EMB: variants seen among roughly 807,000 people sequenced by gnomAD.
EMB encodes the protein embigin homolog.
In EMB, 31 loss-of-function variants were observed where a neutral mutation model predicts 41.4. The ratio of observed to expected loss-of-function variants is 0.75; its 90% confidence interval spans 0.56 to 1.01. The LOEUF is 1.01. EMB is among the 50% of genes least tolerant of loss of function. The pLI is 0.00. For missense variants in EMB, 379 were observed against 388.3 expected (o/e 0.98, Z 0.20); for synonymous variants, 137 against 140.4 (o/e 0.98, Z 0.17).
chr5:50,423,609 C>T (rs766529609), intron 2 of EMB, among the ~76,000 whole-genome samples: 3 of 152,082 alleles, frequency 2.0e-5, no homozygotes, highest in Non-Finnish European at 2.9e-5. Context: ...CATGTAACAG[C>T]AGGGATTATG....
At position 50,428,293 on chromosome 5, in the gene EMB, T is replaced by G; in HGVS notation, c.113-66A>C. ...AGTAAATGACTATCTAAAAACTACT[T>G]TGAAACAGCTAAAACACTGTTGTGA... is the stretch of plus-strand genomic sequence containing the variant. On this transcript the variant is annotated intron_variant, in intron 1 of 8. Coordinates refer to ENST00000303221, the MANE Select transcript of EMB (RefSeq NM_198449.3). 7.9e-6 allele frequency: 11 copies of G among 1,387,388 alleles called. No individual in the cohort carries two copies. The South Asian group carries it at 1.1e-4, about 14-fold the overall frequency. The allele number at this position is 1,387,388 out of a possible 1,614,324, so 85.9% of individuals were successfully genotyped here.
chr5:50,402,414 A>G, intron 6 of EMB, 95 bp from the exon 7 acceptor site: 1 of 1,146,768 alleles, frequency 8.7e-7, no homozygotes, highest in Non-Finnish European at 1.3e-6. Context: ...GTAAGTAAGT[A>G]CTATGCTGTT....
rs72751717 is a variant in EMB at position 50,414,491 on chromosome 5, C to T, written c.197-3108G>A. ...AGTGAGCTAAGGTGGCACTACTGCA[C>T]GCCAGGCAAGGTGATAAAGCAGGGC... On this transcript the variant is annotated intron_variant, in intron 2 of 8. Coordinates refer to ENST00000303221, the MANE Select transcript of EMB (RefSeq NM_198449.3). 2.8e-3 allele frequency among the ~76,000 whole-genome samples: 383 copies of T among 136,950 alleles called. 3 individuals carry two copies. In the East Asian group the frequency reaches 0.037, roughly 13 times the overall value. 89.8% of individuals were successfully genotyped at this position (136,950 alleles called of 152,430 possible).
chr5:50,405,774 T>G lies in EMB; in HGVS notation c.551A>C (p.Asn184Thr). ...CCAGGTCCAATTTAAAGGAAAACAA[T>G]TTTGACATTTACATGTCAAGACAGT... ...DSTVLTCKCQNCFPLNWTWYS... is the reference protein window; with the variant it reads ...DSTVLTCKCQTCFPLNWTWYS... The change falls in exon 5 of 9, where the codon AAT becomes ACT. Residue 184 changes from asparagine to threonine, a missense_variant. Physicochemically the swap from Asn to Thr is moderately conservative, Grantham distance 65. Transcript: ENST00000303221. 6.2e-7 allele frequency: 1 copy of G among 1,607,142 alleles called. No homozygotes were observed. The highest frequency in any genetic ancestry group is 8.5e-7 in the Non-Finnish European group (1 of 1,176,704).
chr5:50,424,611 G>T (rs889726387), intron 2 of EMB, among the ~76,000 whole-genome samples: 1 of 152,164 alleles, frequency 6.6e-6, no homozygotes, highest in Non-Finnish European at 1.5e-5. Context: ...AAGATAAGGG[G>T]ATGGGAAACA....
intron 8 of EMB, among the ~76,000 whole-genome samples, chr5:50,399,658 A>G (rs923267799): frequency 7.9e-5 from 12 of 151,996 alleles, no homozygotes; most frequent in Non-Finnish European, 1.5e-4. Context: ...ATTAGTTGCT[A>G]TGTGCCCTCT....
upstream of EMB, chr5:50,441,514 T>C (rs1745916038): frequency 5.5e-6 from 1 of 180,892 alleles, no homozygotes; most frequent in African/African-American, 2.4e-5. Context: ...TGGGGAGAGG[T>C]CGAAACTCTG....
In EMB at chr5:50,428,284, A is replaced by G. The variant is rs1745655289; in HGVS notation, c.113-57T>C. 1.5e-5 allele frequency: 21 copies of G among 1,429,372 alleles called. 1 individual carries two copies. The highest frequency in any genetic ancestry group is 1.2e-4 in the Admixed American group (6 of 50,908). The allele number at this position is 1,429,372 out of a possible 1,614,324, so 88.5% of individuals were successfully genotyped here. On this transcript the variant is annotated intron_variant, in intron 1 of 8. Transcript: ENST00000303221. Reference sequence around the variant, plus strand: ...CTTATCAAGAGTAAATGACTATCTAAAAACTACTTTGAAACAGCTAAAACA... The same window carrying G: ...CTTATCAAGAGTAAATGACTATCTAGAAACTACTTTGAAACAGCTAAAACA...
chr5:50,418,098 G>A (rs1425633769), intron 2 of EMB, among the ~76,000 whole-genome samples: 1 of 152,156 alleles, frequency 6.6e-6, no homozygotes, highest in African/African-American at 2.4e-5. Flanking sequence ...CAACAATGCA[G>A]TATTTAATTT....
At chr5:50,403,098 C>T in intron 6 of EMB, 80 bp downstream of exon 6, 1 of 1,274,306 alleles carries the variant, frequency 7.8e-7, no homozygotes, top group Non-Finnish European at 1.1e-6. Flanking sequence ...AATCATAATC[C>T]ATATCATAAG....
At position 50,410,904 on chromosome 5, in the gene EMB, C is replaced by G. The variant is rs1289861171; in HGVS notation, c.445G>C (p.Glu149Gln). 4 of 1,604,464 alleles carry G rather than the reference C, an allele frequency of 2.5e-6. No homozygotes were observed. Among genetic ancestry groups the G allele is most frequent in the South Asian group, 1.1e-5 (1 of 89,112 alleles). The change falls in exon 4 of 9, where the codon GAA becomes CAA. Residue 149 changes from glutamate to glutamine, a missense_variant. Glu to Gln is a conservative substitution (Grantham distance 29, BLOSUM62 2). Coordinates refer to ENST00000303221, the MANE Select transcript of EMB (RefSeq NM_198449.3). ...TTGAAATTAAATGTTCCCCTTTGTT[C>G]CTTTTCCTCTCGAAAGAAACAAGAA... ...SYSCFFREEKEQRGTFNFKVP... is the reference protein window; with the variant it reads ...SYSCFFREEKQQRGTFNFKVP...
At chr5:50,408,461 G>A (rs553296371) in intron 4 of EMB, among the ~76,000 whole-genome samples, 26 of 152,000 alleles carry the variant, frequency 1.7e-4, no homozygotes, top group African/African-American at 6.0e-4. Context: ...AGGTTTTTGT[G>A]CATTGAACTA....
At chr5:50,428,119 A>ATTTTTT in intron 2 of EMB, 25 bp downstream of exon 2, 1 of 1,522,348 alleles carries the variant, frequency 6.6e-7, no homozygotes, top group Admixed American at 1.9e-5. Context: ...TTCGAATTGC[A>ATTTTTT]TTATTTGAAA....
rs549177355 is a variant in EMB at position 50,404,706 on chromosome 5, T to A, written c.600+1019A>T. ...TTTGTTTTTACAAAATTACACTTTT[T>A]AAAAAAAAATTACATATACACAATG... On this transcript the variant is annotated intron_variant, in intron 5 of 8. Transcript: ENST00000303221. Among the ~76,000 whole-genome samples, 30 of 151,728 alleles carry A rather than the reference T, an allele frequency of 2.0e-4. 1 individual carries two copies. The highest frequency in any genetic ancestry group is 1.2e-3 in the South Asian group (6 of 4,818).
intron 1 of EMB, among the ~76,000 whole-genome samples, chr5:50,433,524 T>C (rs545324288): frequency 2.6e-5 from 4 of 152,324 alleles, no homozygotes; most frequent in East Asian, 1.9e-4. Context: ...CTAAAGACTG[T>C]AGATTTGTTA....
chr5:50,438,903 CTT>C (rs747192110), intron 1 of EMB, among the ~76,000 whole-genome samples: 8 of 140,772 alleles, frequency 5.7e-5, no homozygotes, highest in Admixed American at 1.4e-4. Context: ...TGTTTCCTAC[CTT>C]TTTTTTTTTT....
intron 1 of EMB, among the ~76,000 whole-genome samples, chr5:50,430,254 A>AC (rs1745694999): frequency 4.6e-5 from 7 of 152,156 alleles, no homozygotes; most frequent in Non-Finnish European, 8.8e-5. Flanking sequence ...TGAAGCCTGC[A>AC]AAACGTAAGC....
At chr5:50,435,383 C>G (rs1157734703) in intron 1 of EMB, among the ~76,000 whole-genome samples, 1 of 152,198 alleles carries the variant, frequency 6.6e-6, no homozygotes, top group Admixed American at 6.5e-5. Context: ...CTATAACGCA[C>G]TTGGTAGCAA....
At chr5:50,407,134 C>T (rs1224430987) in intron 4 of EMB, among the ~76,000 whole-genome samples, 4 of 151,978 alleles carry the variant, frequency 2.6e-5, no homozygotes, top group African/African-American at 7.2e-5. Context: ...CTCAGATATC[C>T]TATTTCTCAA....
Sources: allele counts gnomAD v4.1 joint callset (sites outside exome capture counted in the v4.1 genomes callset), GRCh38; gene constraint gnomAD v4.1.1; transcripts MANE v1.5; gene names NCBI Gene and HGNC (gene_info 2026-07-23, HGNC 2026-07-21).